SLC16A10: variants seen among roughly 807,000 people sequenced by gnomAD.
The protein encoded by SLC16A10 is monocarboxylate transporter 10.
Under a neutral mutation model 40.0 loss-of-function variants are expected in SLC16A10, and 27 were observed. That is an observed-to-expected ratio of 0.67 (90% CI 0.50 to 0.93). SLC16A10 has a LOEUF of 0.93. Ranked by LOEUF, SLC16A10 falls within the 40% of genes least tolerant of loss-of-function variation. SLC16A10 has a pLI of 0.00. For missense variants in SLC16A10, 529 were observed against 658.2 expected (o/e 0.80, Z 2.15); for synonymous variants, 213 against 249.8 (o/e 0.85, Z 1.39).
chr6:111,143,247 T>C (rs76758852), intron 1 of SLC16A10, among the ~76,000 whole-genome samples: 2,187 of 148,390 alleles, frequency 0.015, 52 homozygotes, highest in African/African-American at 0.051. Context: ...ACCTGGCTAA[T>C]TTTTTTTTTT....
chr6:111,156,676 G>A (rs1174360949), intron 1 of SLC16A10, among the ~76,000 whole-genome samples: 1 of 152,146 alleles, frequency 6.6e-6, no homozygotes, highest in Non-Finnish European at 1.5e-5. Flanking sequence ...TAAATATAAT[G>A]TGGTATCTTG....
chr6:111,116,130 GC>G (rs1771482182), intron 1 of SLC16A10, among the ~76,000 whole-genome samples: 1 of 151,896 alleles, frequency 6.6e-6, no homozygotes, highest in Admixed American at 6.6e-5. Context: ...CTAGCATCTC[GC>G]GTAATGACTC....
intron 1 of SLC16A10, among the ~76,000 whole-genome samples, chr6:111,154,538 T>C (rs1470542795): frequency 6.6e-6 from 1 of 152,216 alleles, no homozygotes; most frequent in African/African-American, 2.4e-5. Flanking sequence ...TACTTGTTAC[T>C]TTACTCAAGG....
intron 3 of SLC16A10, among the ~76,000 whole-genome samples, chr6:111,177,935 A>T (rs1057161500): frequency 6.6e-6 from 1 of 152,144 alleles, no homozygotes; most frequent in African/African-American, 2.4e-5. Flanking sequence ...CCCAGCTACT[A>T]AGCTGAGGCA....
chr6:111,095,458 G>A (rs958588869), intron 1 of SLC16A10, among the ~76,000 whole-genome samples: 1 of 152,192 alleles, frequency 6.6e-6, no homozygotes, highest in African/African-American at 2.4e-5. Flanking sequence ...GTTTAAAGTG[G>A]TAGACAGAGA....
At chr6:111,176,989 A>G (rs1772695933) in intron 2 of SLC16A10, among the ~76,000 whole-genome samples, 1 of 151,826 alleles carries the variant, frequency 6.6e-6, no homozygotes, top group Non-Finnish European at 1.5e-5. Flanking sequence ...CTTAATGGTT[A>G]TTTTTCACAT....
At chr6:111,122,821 C>T (rs1372360145) in intron 1 of SLC16A10, among the ~76,000 whole-genome samples, 1 of 152,190 alleles carries the variant, frequency 6.6e-6, no homozygotes, top group Non-Finnish European at 1.5e-5. Context: ...CCTTCAGGCA[C>T]TGAAAACTGT....
intron 1 of SLC16A10, among the ~76,000 whole-genome samples, chr6:111,136,219 G>C (rs1322938892): frequency 6.6e-6 from 1 of 152,218 alleles, no homozygotes; most frequent in Non-Finnish European, 1.5e-5. Flanking sequence ...TGTTAAGCTT[G>C]CCAGCGGGGC....
chr6:111,110,784 A>C (rs1041281007), intron 1 of SLC16A10, among the ~76,000 whole-genome samples: 1 of 152,218 alleles, frequency 6.6e-6, no homozygotes, highest in African/African-American at 2.4e-5. Context: ...TAGGTGAACT[A>C]TACAATTGAT....
chr6:111,098,094 G>A (rs1771107259), intron 1 of SLC16A10, among the ~76,000 whole-genome samples: 1 of 152,126 alleles, frequency 6.6e-6, no homozygotes, highest in African/African-American at 2.4e-5. Flanking sequence ...ATCACTTGAG[G>A]TCCGGAGTTA....
At chr6:111,157,883 T>G (rs997141796) in intron 1 of SLC16A10, among the ~76,000 whole-genome samples, 10 of 151,436 alleles carry the variant, frequency 6.6e-5, no homozygotes, top group African/African-American at 2.4e-4. Flanking sequence ...ACTATGATCC[T>G]TCTTACAATG....
At chr6:111,104,339 A>G (rs1771243697) in intron 1 of SLC16A10, among the ~76,000 whole-genome samples, 1 of 152,182 alleles carries the variant, frequency 6.6e-6, no homozygotes, top group South Asian at 2.1e-4. Flanking sequence ...AGCCATGGAA[A>G]TGGGAATGAA....
intron 1 of SLC16A10, among the ~76,000 whole-genome samples, chr6:111,155,022 CAAAAAAAAAAAAAAA>C (rs397888706): frequency 1.9e-5 from 1 of 53,466 alleles, no homozygotes; most frequent in South Asian, 7.2e-4. Flanking sequence ...GACTCCATCT[CAAAAAAAAAAAAAAA>C]AAAAAAAGAC....
chr6:111,197,274 G>C (rs1279069883), intron 3 of SLC16A10, among the ~76,000 whole-genome samples: 7 of 152,192 alleles, frequency 4.6e-5, no homozygotes, highest in Admixed American at 4.6e-4. Context: ...TTAGTGAAGA[G>C]AGGTTAGAAG....
At chr6:111,100,754 A>C (rs373750712) in intron 1 of SLC16A10, among the ~76,000 whole-genome samples, 17 of 151,528 alleles carry the variant, frequency 1.1e-4, no homozygotes, top group East Asian at 9.7e-4. Context: ...TAAAGAATAC[A>C]CTCTCCTTAA....
At chr6:111,096,340 G>A (rs1261318239) in intron 1 of SLC16A10, among the ~76,000 whole-genome samples, 1 of 152,198 alleles carries the variant, frequency 6.6e-6, no homozygotes, top group Non-Finnish European at 1.5e-5. Context: ...ACAAAAACAA[G>A]CTAAACCCTA....
At chr6:111,170,905 G>A (rs879735478) in intron 1 of SLC16A10, among the ~76,000 whole-genome samples, 1 of 152,134 alleles carries the variant, frequency 6.6e-6, no homozygotes, top group Non-Finnish European at 1.5e-5. Flanking sequence ...TGGGAGGCCA[G>A]GGTGGGCCGA....
intron 1 of SLC16A10, among the ~76,000 whole-genome samples, chr6:111,119,811 C>T (rs1771552119): frequency 1.3e-5 from 2 of 152,216 alleles, no homozygotes; most frequent in Admixed American, 1.3e-4. Context: ...AAATGCAGAA[C>T]ATTGTAACCT....
At chr6:111,210,775 G>A (rs895926938) in intron 4 of SLC16A10, among the ~76,000 whole-genome samples, 1 of 152,162 alleles carries the variant, frequency 6.6e-6, no homozygotes, top group Non-Finnish European at 1.5e-5. Flanking sequence ...AGTGGTTCAC[G>A]CCTGTAACCC....
Sources: allele counts gnomAD v4.1 joint callset (sites outside exome capture counted in the v4.1 genomes callset), GRCh38; gene constraint gnomAD v4.1.1; transcripts MANE v1.5; gene names NCBI Gene and HGNC (gene_info 2026-07-23, HGNC 2026-07-21).